The following NAALADL2 variants were observed in gnomAD, a reference collection of about 807,000 sequenced individuals.
NAALADL2 encodes inactive N-acetylated-alpha-linked acidic dipeptidase-like protein 2.
A neutral mutation model predicts 87.2 loss-of-function variants in NAALADL2; 76 were observed. The observed-to-expected ratio is 0.87, with a 90% CI of 0.72 to 1.05. The LOEUF (loss-of-function observed/expected upper bound fraction) is 1.05. NAALADL2 is among the 50% of genes least tolerant of loss of function. The pLI is 0.00. For missense variants in NAALADL2, 1,089 were observed against 945.8 expected, an observed-to-expected ratio of 1.15 and a Z score of -1.99; for synonymous variants, 354 against 331.0, an observed-to-expected ratio of 1.07 and a Z score of -0.75.
At chr3:175,075,686 A>T (rs1716453310) in intron 1 of NAALADL2, among the ~76,000 whole-genome samples, 1 of 152,158 alleles carries the variant, frequency 6.6e-6, no homozygotes, top group South Asian at 2.1e-4. Flanking sequence ...ATGATCTTTA[A>T]ATGGTTCAAT....
chr3:175,621,989 TCA>T (rs1243007987), intron 10 of NAALADL2, among the ~76,000 whole-genome samples: 1 of 152,222 alleles, frequency 6.6e-6, no homozygotes, highest in African/African-American at 2.4e-5. Context: ...TGACTTTGTT[TCA>T]GTTTCCTATT....
intron 13 of NAALADL2, among the ~76,000 whole-genome samples, chr3:175,794,393 AAAGT>A (rs1753201190): frequency 6.6e-6 from 1 of 152,228 alleles, no homozygotes; most frequent in Non-Finnish European, 1.5e-5. Context: ...GGAAAAAAAA[AAAGT>A]AGTCAACTGT....
At chr3:175,729,531 C>T (rs1743381862) in intron 11 of NAALADL2, among the ~76,000 whole-genome samples, 1 of 152,166 alleles carries the variant, frequency 6.6e-6, no homozygotes, top group Non-Finnish European at 1.5e-5. Flanking sequence ...ACCACTCATA[C>T]ATTGCTGAGT....
At chr3:175,605,657 AAC>A (rs1723633924) in intron 10 of NAALADL2, among the ~76,000 whole-genome samples, 1 of 138,978 alleles carries the variant, frequency 7.2e-6, no homozygotes, top group Non-Finnish European at 1.5e-5. Flanking sequence ...TTTTTTTTTT[AAC>A]TGTATTTAGA....
At chr3:174,787,973 C>T (rs1009465650) in intron 3 of NAALADL2, among the ~76,000 whole-genome samples, 1 of 151,806 alleles carries the variant, frequency 6.6e-6, no homozygotes, top group Non-Finnish European at 1.5e-5. Context: ...TCAGCATCAC[C>T]GTTAGAGTGC....
At chr3:175,600,297 C>T (rs1372019034) in intron 10 of NAALADL2, among the ~76,000 whole-genome samples, 1 of 151,684 alleles carries the variant, frequency 6.6e-6, no homozygotes, top group Non-Finnish European at 1.5e-5. Context: ...TACACATAAT[C>T]TCAAATTTCT....
chr3:174,869,696 G>A (rs1003592312), intron 1 of NAALADL2, among the ~76,000 whole-genome samples: 3 of 151,994 alleles, frequency 2.0e-5, no homozygotes, highest in African/African-American at 7.2e-5. Context: ...GTGAAGTTAG[G>A]CAAGAGATAG....
chr3:174,916,771 G>A (rs1207648147), intron 1 of NAALADL2, among the ~76,000 whole-genome samples: 1 of 152,068 alleles, frequency 6.6e-6, no homozygotes, highest in African/African-American at 2.4e-5. Context: ...AGTGTATACT[G>A]CTCAAGTGAT....
At chr3:175,709,282 A>G (rs941381078) in intron 11 of NAALADL2, among the ~76,000 whole-genome samples, 2 of 152,128 alleles carry the variant, frequency 1.3e-5, no homozygotes, top group South Asian at 2.1e-4. Context: ...TAAACATATC[A>G]TGCTATGTGT....
At chr3:175,122,419 G>A (rs989372519) in intron 2 of NAALADL2, among the ~76,000 whole-genome samples, 1 of 151,838 alleles carries the variant, frequency 6.6e-6, no homozygotes. Flanking sequence ...GCATTGAGAT[G>A]TAAAATATTA....
chr3:174,642,694 A>G (rs1230344241), intron 2 of NAALADL2, among the ~76,000 whole-genome samples: 3 of 146,232 alleles, frequency 2.1e-5, no homozygotes, highest in Non-Finnish European at 4.5e-5. Context: ...TCAAGTAAAA[A>G]CATTAATATT....
intron 2 of NAALADL2, among the ~76,000 whole-genome samples, chr3:174,600,608 T>C (rs748370286): frequency 1.1e-4 from 16 of 152,146 alleles, no homozygotes; most frequent in Non-Finnish European, 1.6e-4. Context: ...TATAAAGAAA[T>C]ACCTGAGACT....
chr3:175,104,866 A>G (rs1236531314), intron 2 of NAALADL2, among the ~76,000 whole-genome samples: 2 of 152,158 alleles, frequency 1.3e-5, no homozygotes, highest in Admixed American at 6.6e-5. Flanking sequence ...TTAATTATGC[A>G]TAGTGTTTCA....
intron 8 of NAALADL2, among the ~76,000 whole-genome samples, chr3:175,469,782 A>G (rs926005275): frequency 6.6e-6 from 1 of 152,028 alleles, no homozygotes; most frequent in African/African-American, 2.4e-5. Flanking sequence ...AAATGAGTCT[A>G]CTAATGCCTA....
rs139371140 is a variant in NAALADL2 at position 175,544,922 on chromosome 3, C to G, written c.1654-31119C>G. Among the ~76,000 whole-genome samples the G allele has an allele frequency of 3.5e-3, 538 of 152,224 alleles. 12 individuals carry two copies. The highest frequency in any genetic ancestry group is 0.029 in the Admixed American group (446 of 15,272). Reference sequence around the variant, plus strand: ...ATTCAGCAAAATCATCTCCGGCAAGCCTTCTTTCCAATGAAATTAATACCC... The same window carrying G: ...ATTCAGCAAAATCATCTCCGGCAAGGCTTCTTTCCAATGAAATTAATACCC... On this transcript the variant is annotated intron_variant, in intron 9 of 13. Transcript: ENST00000454872.
intron 10 of NAALADL2, among the ~76,000 whole-genome samples, chr3:175,619,581 A>G (rs1432338073): frequency 2.6e-5 from 4 of 152,044 alleles, no homozygotes; most frequent in African/African-American, 9.7e-5. Flanking sequence ...ACTCTCAATC[A>G]TTATATTCTC....
chr3:175,367,808 C>T (rs977766109), intron 5 of NAALADL2, among the ~76,000 whole-genome samples: 6 of 152,154 alleles, frequency 3.9e-5, no homozygotes, highest in African/African-American at 1.4e-4. Flanking sequence ...CAAACAGGGA[C>T]AGTTTGACTT....
At chr3:174,497,286 A>G (rs1718604701) in intron 1 of NAALADL2, among the ~76,000 whole-genome samples, 3 of 152,064 alleles carry the variant, frequency 2.0e-5, no homozygotes, top group Admixed American at 1.3e-4. Flanking sequence ...TCCTGATATT[A>G]TAATATTGCT....
chr3:174,648,247 C>T (rs939002952), intron 2 of NAALADL2, among the ~76,000 whole-genome samples: 11 of 151,682 alleles, frequency 7.3e-5, no homozygotes, highest in Admixed American at 2.0e-4. Flanking sequence ...CGCTTGAACC[C>T]GGGAGGCAGA....
Sources: gnomAD v4.1 joint callset for allele counts (sites outside exome capture counted in the v4.1 genomes callset) on GRCh38, gnomAD v4.1.1 for gene constraint, MANE v1.5 for transcripts, NCBI Gene and HGNC (gene_info 2026-07-23, HGNC 2026-07-21) for gene names.